The following ROBO2 variants were observed in gnomAD, a reference collection of about 807,000 sequenced individuals.
ROBO2 encodes the protein roundabout guidance receptor 2, also known as roundabout homolog 2.
Under a neutral mutation model 160.8 loss-of-function variants are expected in ROBO2, and 53 were observed. The observed-to-expected ratio is 0.33, with a 90% CI of 0.26 to 0.41. The LOEUF is 0.41. Among genes scored for constraint, ROBO2 ranks in the 10% least tolerant of loss-of-function variants. The probability of loss-of-function intolerance (pLI) is 1.00; values close to 1 mark genes in which losing one functional copy is unlikely to be tolerated. For missense variants in ROBO2, 1,577 were observed against 1,722.4 expected, an observed-to-expected ratio of 0.92 and a Z score of 1.49; for synonymous variants, 664 against 611.7, an observed-to-expected ratio of 1.09 and a Z score of -1.26.
At chr3:77,061,305 A>G (rs2066278289) in intron 1 of ROBO2, among the ~76,000 whole-genome samples, 1 of 152,142 alleles carries the variant, frequency 6.6e-6, no homozygotes, top group Non-Finnish European at 1.5e-5. Context: ...CAAGGCCATT[A>G]ATTTGGAAGC....
At chr3:76,249,807 C>G (rs1394945253) in intron 2 of ROBO2, among the ~76,000 whole-genome samples, 1 of 151,972 alleles carries the variant, frequency 6.6e-6, no homozygotes, top group African/African-American at 2.4e-5. Flanking sequence ...CAATTTAGAC[C>G]ACCGTTTCTC....
At chr3:76,496,151 C>A (rs934404346) in intron 2 of ROBO2, among the ~76,000 whole-genome samples, 3 of 152,140 alleles carry the variant, frequency 2.0e-5, no homozygotes, top group African/African-American at 4.8e-5. Flanking sequence ...TAAATAGATT[C>A]ATCTATAAAA....
At chr3:76,477,583 A>G (rs1182163175) in intron 2 of ROBO2, among the ~76,000 whole-genome samples, 1 of 152,144 alleles carries the variant, frequency 6.6e-6, no homozygotes, top group Admixed American at 6.6e-5. Context: ...TGACAAGTTA[A>G]CTCAAAACTA....
intron 2 of ROBO2, among the ~76,000 whole-genome samples, chr3:77,370,081 A>G (rs1376713503): frequency 1.3e-5 from 2 of 152,218 alleles, no homozygotes; most frequent in Admixed American, 6.5e-5. Context: ...TCTGAAATGT[A>G]TTGTAATGTT....
At chr3:76,976,609 T>A (rs1054563018) in intron 2 of ROBO2, among the ~76,000 whole-genome samples, 3 of 152,296 alleles carry the variant, frequency 2.0e-5, no homozygotes, top group African/African-American at 2.4e-5. Context: ...CAAGGAAACC[T>A]CCAGCCCACA....
chr3:76,248,048 G>A (rs1705732158), intron 2 of ROBO2, among the ~76,000 whole-genome samples: 1 of 151,950 alleles, frequency 6.6e-6, no homozygotes, highest in South Asian at 2.1e-4. Flanking sequence ...TGGTGGGACT[G>A]TAAACTAGTT....
intron 2 of ROBO2, among the ~76,000 whole-genome samples, chr3:76,619,339 C>CAAA (rs10629440): frequency 3.8e-4 from 52 of 137,448 alleles, no homozygotes; most frequent in African/African-American, 4.6e-4. Context: ...GACTCCGTCT[C>CAAA]AAAAAAAAAA....
intron 2 of ROBO2, among the ~76,000 whole-genome samples, chr3:77,294,810 C>A (rs1000474596): frequency 6.6e-6 from 1 of 150,542 alleles, no homozygotes; most frequent in Non-Finnish European, 1.5e-5. Context: ...GAGGCTAGAT[C>A]ACCCCAGACA....
At position 76,592,810 on chromosome 3, in the gene ROBO2, G is replaced by T. The variant is rs114821021; in HGVS notation, c.110-505204G>T. Among the ~76,000 whole-genome samples, 522 of 152,118 alleles carry T rather than the reference G, an allele frequency of 3.4e-3. 5 individuals are homozygous for T. Among genetic ancestry groups the T allele is most frequent in the African/African-American group, 0.012 (497 of 41,534 alleles). ...AGAATCTGCTTCCATAATCATGCAG[G>T]TAGTTGCCAGAACTCATTCCTGTGG... On this transcript the variant is annotated intron_variant, in intron 2 of 26. Coordinates refer to the ROBO2 transcript ENST00000487694.
chr3:75,999,091 C>G (rs1008952413), intron 2 of ROBO2, among the ~76,000 whole-genome samples: 1 of 152,190 alleles, frequency 6.6e-6, no homozygotes, highest in Non-Finnish European at 1.5e-5. Context: ...CCTCTGCTTT[C>G]TAGCTGTGTG....
At chr3:77,121,851 A>G (rs541416753) in intron 2 of ROBO2, among the ~76,000 whole-genome samples, 3 of 152,132 alleles carry the variant, frequency 2.0e-5, no homozygotes, top group African/African-American at 7.2e-5. Flanking sequence ...TTGAGCTTTA[A>G]TTATGTTCTG....
chr3:76,545,520 A>G (rs894661967), intron 2 of ROBO2, among the ~76,000 whole-genome samples: 1 of 151,978 alleles, frequency 6.6e-6, no homozygotes, highest in African/African-American at 2.4e-5. Context: ...CTGAAGAATT[A>G]TGGATTCTGT....
At chr3:76,078,063 C>G (rs1336780571) in intron 2 of ROBO2, among the ~76,000 whole-genome samples, 1 of 152,158 alleles carries the variant, frequency 6.6e-6, no homozygotes, top group Non-Finnish European at 1.5e-5. Context: ...TTTCACAATA[C>G]TGGAATATAT....
At chr3:77,377,423 C>A (rs1346306604) in intron 2 of ROBO2, among the ~76,000 whole-genome samples, 1 of 152,124 alleles carries the variant, frequency 6.6e-6, no homozygotes, top group Non-Finnish European at 1.5e-5. Context: ...ATATACTATA[C>A]AATTTTTTGT....
intron 2 of ROBO2, among the ~76,000 whole-genome samples, chr3:76,628,741 A>T (rs2089836807): frequency 6.6e-6 from 1 of 152,062 alleles, no homozygotes; most frequent in Admixed American, 6.5e-5. Flanking sequence ...TTGTTTTGTG[A>T]CTCACATCTA....
chr3:76,729,234 T>C (rs2093597350), intron 2 of ROBO2, among the ~76,000 whole-genome samples: 1 of 43,802 alleles, frequency 2.3e-5, no homozygotes, highest in Non-Finnish European at 5.1e-5. Context: ...AGAGTAACTG[T>C]CTTTTTTTTT....
intron 1 of ROBO2, among the ~76,000 whole-genome samples, chr3:77,051,633 T>C (rs961526820): frequency 6.6e-6 from 1 of 152,236 alleles, no homozygotes; most frequent in Non-Finnish European, 1.5e-5. Flanking sequence ...AAGCAGCGGC[T>C]ACACATGACA....
intron 1 of ROBO2, among the ~76,000 whole-genome samples, chr3:77,085,483 A>G (rs1352948499): frequency 6.6e-6 from 1 of 152,076 alleles, no homozygotes; most frequent in Non-Finnish European, 1.5e-5. Flanking sequence ...TCCTCCAAAT[A>G]CCCCTGAAGA....
At chr3:76,996,906 CA>C (rs979968958) in intron 2 of ROBO2, among the ~76,000 whole-genome samples, 1 of 152,132 alleles carries the variant, frequency 6.6e-6, no homozygotes, top group South Asian at 2.1e-4. Context: ...AACTGATACA[CA>C]ATCTAATATG....
Sources: allele counts gnomAD v4.1 joint callset (sites outside exome capture counted in the v4.1 genomes callset), GRCh38; gene constraint gnomAD v4.1.1; transcripts MANE v1.5; gene names NCBI Gene and HGNC (gene_info 2026-07-23, HGNC 2026-07-21).